SETD3: variants seen among roughly 807,000 people sequenced by gnomAD.
SETD3 encodes actin-histidine N-methyltransferase.
Under a neutral mutation model 63.0 loss-of-function variants are expected in SETD3, and 19 were observed. The ratio of observed to expected loss-of-function variants is 0.30; its 90% CI spans 0.21 to 0.44. The LOEUF is 0.44. SETD3 is among the 20% of genes least tolerant of loss of function. SETD3 has a pLI of 1.00. For missense variants in SETD3, 587 were observed against 728.5 expected, an observed-to-expected ratio of 0.81 and a Z score of 2.24; for synonymous variants, 286 against 264.1, an observed-to-expected ratio of 1.08 and a Z score of -0.80.
chr14:99,485,902 A>C, the SETD3 span, among the ~76,000 whole-genome samples: 1 of 152,176 alleles, frequency 6.6e-6, no homozygotes, highest in Non-Finnish European at 1.5e-5. Flanking sequence ...TAGTCTGTTC[A>C]TTCTTTACCA....
intron 1 of SETD3, among the ~76,000 whole-genome samples, chr14:99,471,126 T>A (rs1220326181): frequency 1.3e-5 from 2 of 152,310 alleles, no homozygotes; most frequent in South Asian, 4.1e-4. Flanking sequence ...TAAACTCTTT[T>A]ACCCACTGTC....
rs903943762 is a variant in SETD3, at chr14:99,397,769, T to A, written c.*910A>T. ...AATATTAATCATGTTTTTCTTTTAATAAGGGTTTTTACTCAAAAGTGTAGC... is the reference window on the plus strand; with the variant it reads ...AATATTAATCATGTTTTTCTTTTAAAAAGGGTTTTTACTCAAAAGTGTAGC... On this transcript the variant is annotated 3_prime_UTR_variant, in exon 13 of 13. Coordinates refer to ENST00000331768, the MANE Select transcript of SETD3 (RefSeq NM_032233.3). The A allele has an allele frequency of 6.6e-6, 1 of 152,386 alleles. No individual in the cohort carries two copies. The highest frequency in any genetic ancestry group is 2.1e-4 in the South Asian group (1 of 4,830). 9.4% of individuals were successfully genotyped at this position (152,386 alleles called of 1,614,324 possible). A position where few individuals can be genotyped will look rare whatever the true frequency, so the allele number is the denominator to read the frequency against.
At chr14:99,451,269 T>C (rs1433030777) in intron 6 of SETD3, among the ~76,000 whole-genome samples, 2 of 152,240 alleles carry the variant, frequency 1.3e-5, no homozygotes, top group Non-Finnish European at 2.9e-5. Flanking sequence ...AGGGTTAAAG[T>C]TGCAACAGTT....
intron 11 of SETD3, among the ~76,000 whole-genome samples, chr14:99,400,762 T>A (rs1388181532): frequency 6.6e-6 from 1 of 152,180 alleles, no homozygotes; most frequent in African/African-American, 2.4e-5. Flanking sequence ...ACCAAGCTAT[T>A]TAAGCCACGT....
At chr14:99,480,099 G>A (rs933289854) in intron 1 of SETD3, among the ~76,000 whole-genome samples, 6 of 152,216 alleles carry the variant, frequency 3.9e-5, no homozygotes, top group Admixed American at 6.5e-5. Context: ...CGCGTGGGAA[G>A]AAAGACGACC....
chr14:99,446,905 A>G (rs1055247429), intron 6 of SETD3, among the ~76,000 whole-genome samples: 1 of 147,272 alleles, frequency 6.8e-6, no homozygotes, highest in African/African-American at 2.5e-5. Context: ...CCCAGGCTCC[A>G]AGGCAGGGAC....
chr14:99,423,761 A>C (rs1267994925), intron 6 of SETD3, among the ~76,000 whole-genome samples: 3 of 152,118 alleles, frequency 2.0e-5, no homozygotes, highest in African/African-American at 4.8e-5. Context: ...TGGAAGAACA[A>C]AGAAGCAAGG....
intron 1 of SETD3, among the ~76,000 whole-genome samples, chr14:99,470,887 C>G (rs185543871): frequency 1.2e-3 from 182 of 152,270 alleles, no homozygotes; most frequent in South Asian, 6.2e-4. Flanking sequence ...GTGGGTTTGC[C>G]AGCTCCCCAC....
chr14:99,434,880 C>T (rs972929960), intron 6 of SETD3, among the ~76,000 whole-genome samples: 25 of 126,440 alleles, frequency 2.0e-4, no homozygotes, highest in African/African-American at 8.3e-4. Context: ...AAAAAAACAA[C>T]CTACATTTAA....
intron 3 of SETD3, 81 bp from the exon 4 acceptor site, chr14:99,461,421 G>A: frequency 2.1e-6 from 3 of 1,405,248 alleles, no homozygotes; most frequent in Admixed American, 2.0e-5. Flanking sequence ...AATAAAAACA[G>A]GCCATAACTA....
In SETD3 at chr14:99,443,366, C is replaced by T. The variant is rs1893947280; in HGVS notation, c.675+14913G>A. 3.3e-5 allele frequency among the ~76,000 whole-genome samples: 5 copies of T among 151,582 alleles called. No homozygotes were observed. In the South Asian group the frequency reaches 8.4e-4, roughly 25 times the overall value. Reference sequence around the variant, plus strand: ...TCCTGGGTTCAAGCGATTCTCCTGCCTCAGCCTCTTGAGTAGCTGGGATCA... The same window carrying T: ...TCCTGGGTTCAAGCGATTCTCCTGCTTCAGCCTCTTGAGTAGCTGGGATCA... On this transcript the variant is annotated intron_variant, in intron 6 of 12. Coordinates refer to ENST00000331768, the MANE Select transcript of SETD3 (RefSeq NM_032233.3).
At chr14:99,421,235 C>T (rs139798015) in intron 6 of SETD3, among the ~76,000 whole-genome samples, 11 of 151,872 alleles carry the variant, frequency 7.2e-5, no homozygotes, top group Non-Finnish European at 1.3e-4. Flanking sequence ...ATAAACAGAA[C>T]GGTAAAAAGT....
At chr14:99,461,532 T>A (rs1895061315) in intron 3 of SETD3, among the ~76,000 whole-genome samples, 192 bp from the exon 4 acceptor site, 1 of 152,164 alleles carries the variant, frequency 6.6e-6, no homozygotes, top group Non-Finnish European at 1.5e-5. Flanking sequence ...AGAATTAAAA[T>A]CCTAAACTCC....
rs187110171 is a variant in SETD3, at chr14:99,403,308, A to G, written c.1177+917T>C. 2.6e-5 allele frequency among the ~76,000 whole-genome samples: 4 copies of G among 152,294 alleles called. No individual in the cohort carries two copies. The East Asian group carries it at 7.7e-4, about 29-fold the overall frequency. ...CATGACTGCTTCCTCCGACCAAGGAAGTGCTTGGGCAGCTTCCTTCCAGAA... is the reference window on the plus strand; with the variant it reads ...CATGACTGCTTCCTCCGACCAAGGAGGTGCTTGGGCAGCTTCCTTCCAGAA... On this transcript the variant is annotated intron_variant, in intron 11 of 12. Coordinates refer to ENST00000331768, the MANE Select transcript of SETD3 (RefSeq NM_032233.3).
intron 6 of SETD3, among the ~76,000 whole-genome samples, chr14:99,417,089 C>G (rs1892329001): frequency 1.3e-5 from 2 of 152,162 alleles, no homozygotes; most frequent in Non-Finnish European, 2.9e-5. Context: ...GGTCTGGTAG[C>G]TATGCTTAAG....
At chr14:99,436,163 G>A (rs1164408798) in intron 6 of SETD3, among the ~76,000 whole-genome samples, 4 of 152,038 alleles carry the variant, frequency 2.6e-5, no homozygotes, top group Non-Finnish European at 5.9e-5. Flanking sequence ...GCCTCCGCTT[G>A]ATCTCTCCCT....
At chr14:99,403,453 A>ACTCTCTCTCTCTCTCTCTCTCTCTCTCT (rs1188702914) in intron 11 of SETD3, among the ~76,000 whole-genome samples, 32 of 106,188 alleles carry the variant, frequency 3.0e-4, no homozygotes, top group East Asian at 2.7e-3. Flanking sequence ...ACACACACAC[A>ACTCTCTCTCTCTCTCTCTCTCTCTCTCT]CACTCTCTCT....
intron 6 of SETD3, among the ~76,000 whole-genome samples, chr14:99,427,021 T>C (rs1892918404): frequency 6.6e-6 from 1 of 152,238 alleles, no homozygotes; most frequent in Non-Finnish European, 1.5e-5. Flanking sequence ...GTCAGGGTTT[T>C]ACTTGGCAGG....
chr14:99,403,785 T>C (rs576907913), intron 11 of SETD3, among the ~76,000 whole-genome samples: 3 of 152,324 alleles, frequency 2.0e-5, no homozygotes, highest in Admixed American at 2.0e-4. Context: ...AGATTTAGAA[T>C]GCAGAGTAGG....
Sources: gnomAD v4.1 joint callset for allele counts (sites outside exome capture counted in the v4.1 genomes callset) on GRCh38, gnomAD v4.1.1 for gene constraint, MANE v1.5 for transcripts, NCBI Gene and HGNC (gene_info 2026-07-23, HGNC 2026-07-21) for gene names.